Variants in RSPO2 observed in about 807,000 individuals in gnomAD.
The protein encoded by RSPO2 is R-spondin-2.
A neutral mutation model predicts 30.9 loss-of-function variants in RSPO2; 14 were observed. The ratio of observed to expected loss-of-function variants is 0.45; its 90% CI spans 0.30 to 0.71. The LOEUF is 0.71. Among genes scored for constraint, RSPO2 ranks in the 30% least tolerant of loss-of-function variants. The probability of loss-of-function intolerance (pLI) is 0.08; values close to 1 mark genes in which losing one functional copy is unlikely to be tolerated. For synonymous variants in RSPO2, 107 were observed against 96.4 expected, an observed-to-expected ratio of 1.11 and a Z score of -0.64; for missense variants, 264 against 301.9, an observed-to-expected ratio of 0.87 and a Z score of 0.93.
At chr8:107,971,035 G>T (rs16877043) in intron 3 of RSPO2, among the ~76,000 whole-genome samples, 1 of 152,138 alleles carries the variant, frequency 6.6e-6, no homozygotes, top group Non-Finnish European at 1.5e-5. Flanking sequence ...TAACTGCCTC[G>T]CAGGATTTCC....
At chr8:108,017,422 G>A (rs2130602854) in intron 2 of RSPO2, among the ~76,000 whole-genome samples, 1 of 152,308 alleles carries the variant, frequency 6.6e-6, no homozygotes, top group South Asian at 2.1e-4. Flanking sequence ...CTACTAGGAG[G>A]ATGGGGAAAA....
At chr8:108,044,924 T>C (rs1249766295) in intron 2 of RSPO2, among the ~76,000 whole-genome samples, 1 of 152,102 alleles carries the variant, frequency 6.6e-6, no homozygotes, top group East Asian at 1.9e-4. Context: ...ATACAAAAGT[T>C]AACTCAAGAT....
At chr8:107,942,356 C>T (rs986475125) in intron 5 of RSPO2, among the ~76,000 whole-genome samples, 17 of 152,132 alleles carry the variant, frequency 1.1e-4, no homozygotes, top group Admixed American at 2.0e-4. Flanking sequence ...TGATCTAATG[C>T]CCACGCCTCT....
rs2130525208 is a variant in RSPO2 at position 107,989,183 on chromosome 8, A to G, written c.156T>C (p.Cys52=). ...AGAACAACTTCTGTTGACATCGGCT[A>G]CACCCATTGTCCTTTGAACAAGACA... The part of the protein sequence containing the change: ...GCLSCSKDNG[C]SRCQQKLFFF... The change falls in exon 3 of 6, where the codon TGT becomes TGC. Residue 52 remains cysteine, a synonymous_variant. Coordinates refer to ENST00000276659, the MANE Select transcript of RSPO2 (RefSeq NM_178565.5). 1 of 1,610,538 alleles carries G rather than the reference A, an allele frequency of 6.2e-7. No individual in the cohort carries two copies.
chr8:107,975,166 A>G (rs372961905), intron 3 of RSPO2, among the ~76,000 whole-genome samples: 2 of 152,246 alleles, frequency 1.3e-5, no homozygotes, highest in African/African-American at 4.8e-5. Flanking sequence ...ACCTTCCTAG[A>G]TAATTCATAT....
intron 2 of RSPO2, among the ~76,000 whole-genome samples, chr8:108,038,757 GT>G (rs58167448): frequency 0.015 from 2,209 of 144,998 alleles, 56 homozygotes; most frequent in African/African-American, 0.049. Flanking sequence ...TTGTTAGTGG[GT>G]TTTTTTTTTT....
intron 3 of RSPO2, among the ~76,000 whole-genome samples, chr8:107,970,847 C>A (rs1813971911): frequency 6.6e-6 from 1 of 152,182 alleles, no homozygotes; most frequent in Non-Finnish European, 1.5e-5. Context: ...TATGTCCAGT[C>A]CTGTAGTTTG....
chr8:108,058,195 A>G (rs903778920), intron 2 of RSPO2, among the ~76,000 whole-genome samples: 1 of 152,194 alleles, frequency 6.6e-6, no homozygotes, highest in Non-Finnish European at 1.5e-5. Flanking sequence ...AAGCATTCTT[A>G]TACACCAATA....
At chr8:107,980,172 C>T (rs1814373631) in intron 3 of RSPO2, among the ~76,000 whole-genome samples, 1 of 152,176 alleles carries the variant, frequency 6.6e-6, no homozygotes, top group Non-Finnish European at 1.5e-5. Context: ...CCATGGGTTC[C>T]CTGAGCAGCC....
intron 2 of RSPO2, among the ~76,000 whole-genome samples, chr8:108,007,302 C>T (rs1489208584): frequency 3.3e-5 from 5 of 152,122 alleles, no homozygotes; most frequent in Admixed American, 6.6e-5. Flanking sequence ...CACCATTTTG[C>T]CATCACTAAT....
intron 5 of RSPO2, among the ~76,000 whole-genome samples, chr8:107,945,583 T>C (rs1205090880): frequency 3.3e-5 from 5 of 152,132 alleles, no homozygotes; most frequent in Non-Finnish European, 7.4e-5. Context: ...CCCCAATTTT[T>C]ATTCTTTTGC....
At chr8:108,068,595 C>T (rs2130719818) in intron 2 of RSPO2, among the ~76,000 whole-genome samples, 1 of 152,274 alleles carries the variant, frequency 6.6e-6, no homozygotes, top group African/African-American at 2.4e-5. Flanking sequence ...TTCTCAGTGC[C>T]TGTGAATGTG....
At position 107,901,193 on chromosome 8, in the gene RSPO2, G is replaced by T. The variant is rs766922661; in HGVS notation, c.617-3C>A. ...CTTCGCCTTTGGTGTTCTCTTCCCT[G>T]CAATGAAGGAAAGAAAAGAAGAGAT... On this transcript the variant is annotated splice_polypyrimidine_tract_variant and splice_region_variant and intron_variant, in intron 5 of 5. Coordinates refer to ENST00000276659, the MANE Select transcript of RSPO2 (RefSeq NM_178565.5). 10 of 1,608,208 alleles carry T rather than the reference G, an allele frequency of 6.2e-6. No homozygotes were observed. Among genetic ancestry groups the T allele is most frequent in the African/African-American group, 1.3e-5 (1 of 74,374 alleles).
At chr8:107,934,935 G>A (rs1405487010) in intron 5 of RSPO2, among the ~76,000 whole-genome samples, 1 of 152,118 alleles carries the variant, frequency 6.6e-6, no homozygotes, top group East Asian at 1.9e-4. Context: ...GAGGATGTAT[G>A]TTGCCTCAGA....
chr8:108,033,035 G>A (rs1202552915), intron 2 of RSPO2, among the ~76,000 whole-genome samples: 2 of 107,544 alleles, frequency 1.9e-5, no homozygotes, highest in Non-Finnish European at 3.4e-5. Flanking sequence ...GGGTGACAGA[G>A]CAAGACTCTG....
intron 5 of RSPO2, among the ~76,000 whole-genome samples, chr8:107,906,166 C>A (rs1052991161): frequency 1.3e-5 from 2 of 151,776 alleles, no homozygotes; most frequent in African/African-American, 4.8e-5. Flanking sequence ...ACTTTTGACT[C>A]AGATCTAGGA....
intron 2 of RSPO2, among the ~76,000 whole-genome samples, chr8:108,049,608 G>A (rs999249556): frequency 3.3e-5 from 5 of 151,690 alleles, no homozygotes; most frequent in Admixed American, 1.3e-4. Flanking sequence ...CTGTGTCCAT[G>A]TGTTCTCATT....
intron 2 of RSPO2, among the ~76,000 whole-genome samples, chr8:108,062,613 A>T (rs1461388421): frequency 6.6e-6 from 1 of 151,906 alleles, no homozygotes; most frequent in African/African-American, 2.4e-5. Context: ...TACAAGGAGG[A>T]GTTGGTACCA....
chr8:108,057,814 C>G (rs1195637966), intron 2 of RSPO2, among the ~76,000 whole-genome samples: 2 of 141,652 alleles, frequency 1.4e-5, no homozygotes, highest in Non-Finnish European at 3.1e-5. Flanking sequence ...TTTAAGAGTA[C>G]TACATTGATT....
Sources: allele counts gnomAD v4.1 joint callset (sites outside exome capture counted in the v4.1 genomes callset), GRCh38; gene constraint gnomAD v4.1.1; transcripts MANE v1.5; gene names NCBI Gene and HGNC (gene_info 2026-07-23, HGNC 2026-07-21).